Variants in MAP2K5 observed in about 807,000 individuals in gnomAD.
The protein encoded by MAP2K5 is mitogen-activated protein kinase kinase 5, also known as dual specificity mitogen-activated protein kinase kinase 5.
Under a neutral mutation model 83.1 loss-of-function variants are expected in MAP2K5, and 49 were observed. The observed-to-expected ratio is 0.59, with a 90% CI of 0.47 to 0.75. MAP2K5 has a LOEUF of 0.75. MAP2K5 is among the 30% of genes least tolerant of loss of function. The pLI, the probability that MAP2K5 is intolerant of heterozygous loss-of-function variation, is 0.00. For synonymous variants in MAP2K5, 202 were observed against 191.8 expected (o/e 1.05, Z -0.44); for missense variants, 457 against 557.5 (o/e 0.82, Z 1.82).
intron 21 of MAP2K5, among the ~76,000 whole-genome samples, chr15:67,803,461 C>T (rs188712132): frequency 6.6e-5 from 10 of 152,296 alleles, no homozygotes; most frequent in African/African-American, 1.7e-4. Context: ...GGGTTAAGGG[C>T]GTCAGTTACA....
At chr15:67,703,457 T>A (rs368436825) in intron 16 of MAP2K5, 49 bp downstream of exon 16, 4 of 1,409,570 alleles carry the variant, frequency 2.8e-6, no homozygotes, top group South Asian at 1.2e-5. Flanking sequence ...TACTAATATA[T>A]TCAATCAGGA....
At chr15:67,731,248 T>A (rs1466358043) in intron 17 of MAP2K5, among the ~76,000 whole-genome samples, 1 of 152,108 alleles carries the variant, frequency 6.6e-6, no homozygotes, top group Non-Finnish European at 1.5e-5. Flanking sequence ...GCTGACAGCA[T>A]CATTAGCAGC....
intron 11 of MAP2K5, among the ~76,000 whole-genome samples, chr15:67,647,691 G>A (rs1340165207): frequency 6.6e-6 from 1 of 151,996 alleles, no homozygotes; most frequent in Non-Finnish European, 1.5e-5. Context: ...CCAACATGGC[G>A]AAAACCCGTC....
intron 21 of MAP2K5, among the ~76,000 whole-genome samples, chr15:67,776,928 G>A (rs2090250654): frequency 6.6e-6 from 1 of 152,116 alleles, no homozygotes; most frequent in African/African-American, 2.4e-5. Flanking sequence ...CTTGACCAAT[G>A]GTCTGTGACT....
intron 6 of MAP2K5, chr15:67,588,049 A>C (rs1381221291): frequency 1.0e-6 from 1 of 979,806 alleles, no homozygotes; most frequent in Non-Finnish European, 1.2e-6. Context: ...TTGCCAGTGT[A>C]CAGTCCTGAG....
chr15:67,782,320 AC>A lies in MAP2K5; in HGVS notation c.1242+9569del, dbSNP rs1295310286. On this transcript the variant is annotated intron_variant, in intron 21 of 21. Transcript: ENST00000178640. The surrounding 1 kb of genome is among the most constrained non-coding windows in gnomAD (Gnocchi z 4.9). ...GGGCCCCAGGGACAATGAGAGATAA[AC>A]AACTGCAATTAAGGCAAATCTGCCG... Among the ~76,000 whole-genome samples the A allele has an allele frequency of 7.2e-5, 11 of 152,228 alleles. No individual in the cohort carries two copies. Among genetic ancestry groups the A allele is most frequent in the African/African-American group, 2.7e-4 (11 of 41,462 alleles).
chr15:67,730,856 G>T (rs1271250518), intron 17 of MAP2K5, among the ~76,000 whole-genome samples: 1 of 152,198 alleles, frequency 6.6e-6, no homozygotes. Context: ...ATGAGCCAGA[G>T]TATTAGAATT....
intron 16 of MAP2K5, among the ~76,000 whole-genome samples, chr15:67,709,617 G>A (rs1316426510): frequency 6.6e-6 from 1 of 152,174 alleles, no homozygotes. Flanking sequence ...TTCACAGGCA[G>A]TTCAGTGCTT....
intron 21 of MAP2K5, among the ~76,000 whole-genome samples, chr15:67,776,218 C>T (rs1050888003): frequency 1.3e-5 from 2 of 150,344 alleles, no homozygotes; most frequent in Non-Finnish European, 3.0e-5. Context: ...ACCCCCACCT[C>T]CACTTCTGCC....
rs190010905 is a variant in MAP2K5, at chr15:67,703,165, T to C, written c.973-172T>C. 1.2e-3 allele frequency among the ~76,000 whole-genome samples: 184 copies of C among 152,364 alleles called. 2 individuals are homozygous for C. Among genetic ancestry groups the C allele is most frequent in the Admixed American group, 4.6e-3 (70 of 15,302 alleles). ...ATCTATATATAATTTCTATAGATCA[T>C]CTATATACTGTATGCACAAATACAT... is the stretch of plus-strand genomic sequence containing the variant. On this transcript the variant is annotated intron_variant, in intron 15 of 21. Coordinates refer to ENST00000178640, the MANE Select transcript of MAP2K5 (RefSeq NM_145160.3).
intron 21 of MAP2K5, among the ~76,000 whole-genome samples, chr15:67,803,825 G>A (rs1163631779): frequency 6.6e-6 from 1 of 152,162 alleles, no homozygotes; most frequent in African/African-American, 2.4e-5. Context: ...AAGATGAGGG[G>A]GAATTGCAAT....
chr15:67,591,147 C>T (rs1234815380), intron 6 of MAP2K5, among the ~76,000 whole-genome samples: 1 of 151,868 alleles, frequency 6.6e-6, no homozygotes, highest in Non-Finnish European at 1.5e-5. Flanking sequence ...GAGTTTGAGA[C>T]CAGCCTGGCC....
rs2090712014 is a variant in MAP2K5, at chr15:67,801,833, C to G, written c.1243-4813C>G. ...CATTGCACCAGGCCCTGCAGCCACA[C>G]CAGCAAGTTATTAAATTATTCAAAT... On this transcript the variant is annotated intron_variant, in intron 21 of 21. Coordinates refer to ENST00000178640, the MANE Select transcript of MAP2K5 (RefSeq NM_145160.3). This position sits in a 1 kb window ranked among gnomAD's most constrained non-coding sequence, Gnocchi z 4.8. Among the ~76,000 whole-genome samples the G allele has an allele frequency of 6.6e-6, 1 of 152,158 alleles. No homozygotes were observed. The highest frequency in any genetic ancestry group is 1.5e-5 in the Non-Finnish European group (1 of 68,016).
chr15:67,582,279 C>T (rs143654776), intron 4 of MAP2K5, among the ~76,000 whole-genome samples: 18,272 of 151,898 alleles, frequency 0.12, 1,209 homozygotes, highest in East Asian at 0.2. Flanking sequence ...CCAGGATGGT[C>T]TTGATCTCCT....
At chr15:67,575,928 T>TCTTTCTTTCTTTCTTTCTTTCTTTCTTTC (rs1596583471) in intron 3 of MAP2K5, among the ~76,000 whole-genome samples, 4 of 51,324 alleles carry the variant, frequency 7.8e-5, no homozygotes, top group African/African-American at 3.9e-4. Flanking sequence ...TTTTTTTTTT[T>TCTTTCTTTCTTTCTTTCTTTCTTTCTTTC]TTTTTTTTTA....
In MAP2K5 at chr15:67,779,852, G is replaced by A. The variant is rs980500760; in HGVS notation, c.1242+7100G>A. 1.3e-5 allele frequency among the ~76,000 whole-genome samples: 2 copies of A among 152,176 alleles called. No individual in the cohort carries two copies. Among genetic ancestry groups the A allele is most frequent in the African/African-American group, 2.4e-5 (1 of 41,424 alleles). ...ATCAGTTGGGCTGCTCTTCAGTGCCGTGCCAGATTTGCGGCAGCGGGAGGC... is the reference window on the plus strand; with the variant it reads ...ATCAGTTGGGCTGCTCTTCAGTGCCATGCCAGATTTGCGGCAGCGGGAGGC... On this transcript the variant is annotated intron_variant, in intron 21 of 21. Transcript: ENST00000178640. The surrounding 1 kb of genome is among the most constrained non-coding windows in gnomAD (Gnocchi z 4.6).
At chr15:67,602,502 A>T (rs2085681781) in intron 8 of MAP2K5, among the ~76,000 whole-genome samples, 1 of 152,188 alleles carries the variant, frequency 6.6e-6, no homozygotes, top group South Asian at 2.1e-4. Context: ...CTTTAGTTTT[A>T]TATTAATTGA....
Position 67,642,397 on chromosome 15 carries a change from C to A in MAP2K5, c.586-3834C>A, listed in dbSNP as rs545700174. 1.8e-5 allele frequency: 28 copies of A among 1,594,736 alleles called. 1 individual carries two copies. The East Asian group carries it at 4.0e-4, about 23-fold the overall frequency. ...TTGAGAGGCGCATAGCCACTCTAAT[C>A]TTGAGGCTTCTGTTTTTAGGAGATG... On this transcript the variant is annotated intron_variant, in intron 9 of 21. Coordinates refer to ENST00000178640, the MANE Select transcript of MAP2K5 (RefSeq NM_145160.3).
intron 19 of MAP2K5, among the ~76,000 whole-genome samples, chr15:67,751,567 A>G (rs905157778): frequency 1.3e-5 from 2 of 152,176 alleles, no homozygotes; most frequent in South Asian, 2.1e-4. Context: ...GTCGGCCCCT[A>G]TTGTCTAGAT....
Sources: allele counts gnomAD v4.1 joint callset (sites outside exome capture counted in the v4.1 genomes callset), GRCh38; gene constraint gnomAD v4.1.1; non-coding constraint Gnocchi (gnomAD v3.1); transcripts MANE v1.5; gene names NCBI Gene and HGNC (gene_info 2026-07-23, HGNC 2026-07-21).